The following SETD5 variants were observed in gnomAD, a reference collection of about 807,000 sequenced individuals.
The protein encoded by SETD5 is histone-lysine N-methyltransferase SETD5.
A neutral mutation model predicts 153.3 loss-of-function variants in SETD5; 44 were observed. The ratio of observed to expected loss-of-function variants is 0.29; its 90% CI spans 0.23 to 0.37. SETD5 has a LOEUF of 0.37. SETD5 is among the 10% of genes least tolerant of loss of function. The pLI, the probability that SETD5 is intolerant of heterozygous loss-of-function variation, is 1.00. For missense variants in SETD5, 1,544 were observed against 1,768.0 expected (o/e 0.87, Z 2.27); for synonymous variants, 716 against 645.2 (o/e 1.11, Z -1.66).
chr3:9,454,615 T>C (rs1575513217), intron 17 of SETD5, among the ~76,000 whole-genome samples: 1 of 44,232 alleles, frequency 2.3e-5, no homozygotes, highest in Admixed American at 4.0e-4. Context: ...AGAATGAAAC[T>C]CCGTCTCAAA....
At chr3:9,423,822 G>GA (rs1184966426) in intron 1 of SETD5, among the ~76,000 whole-genome samples, 7 of 151,998 alleles carry the variant, frequency 4.6e-5, no homozygotes, top group Non-Finnish European at 1.0e-4. Context: ...TGACTTTTAG[G>GA]AAAAAACACC....
chr3:9,476,146 G>C lies in SETD5; in HGVS notation c.*55G>C. 1 of 1,561,094 alleles carries C rather than the reference G, an allele frequency of 6.4e-7. No homozygotes were observed. Among genetic ancestry groups the C allele is most frequent in the Non-Finnish European group, 8.7e-7 (1 of 1,151,588 alleles). On this transcript the variant is annotated 3_prime_UTR_variant, in exon 23 of 23. Coordinates refer to ENST00000402198, the MANE Select transcript of SETD5 (RefSeq NM_001080517.3). Reference sequence around the variant, plus strand: ...ATGAGCCCATAGCTGCTTCCTTCCAGCTGCCTCTGGAACCTAGGCCGAGCA... The same window carrying C: ...ATGAGCCCATAGCTGCTTCCTTCCACCTGCCTCTGGAACCTAGGCCGAGCA...
chr3:9,452,166 G>A (rs1471172684), intron 16 of SETD5, among the ~76,000 whole-genome samples: 1 of 152,024 alleles, frequency 6.6e-6, no homozygotes, highest in Non-Finnish European at 1.5e-5. Flanking sequence ...CCTTTTTGTA[G>A]TCATCAGATC....
chr3:9,474,384 G>A, intron 20 of SETD5, 65 bp from the exon 21 acceptor site: 2 of 1,581,598 alleles, frequency 1.3e-6, no homozygotes, highest in Non-Finnish European at 8.6e-7. Context: ...ACTGTGCACT[G>A]GTTAGGGCTT....
intron 1 of SETD5, among the ~76,000 whole-genome samples, chr3:9,414,719 G>GA (rs1353707657): frequency 6.6e-6 from 1 of 151,822 alleles, no homozygotes; most frequent in Non-Finnish European, 1.5e-5. Flanking sequence ...AAACTTAGAA[G>GA]AAAAAACAAG....
In SETD5 at chr3:9,445,306, C is replaced by T. The variant is rs375815611; in HGVS notation, c.1440+6C>T. The T allele has an allele frequency of 1.3e-5, 20 of 1,597,922 alleles. No individual in the cohort carries two copies. Among genetic ancestry groups the T allele is most frequent in the East Asian group, 2.3e-5 (1 of 44,274 alleles). ...CTGTATCCAGTGATCATGAGGTAATCGCCCCTGGTCAAATGATGATGCTAT... is the reference window on the plus strand; with the variant it reads ...CTGTATCCAGTGATCATGAGGTAATTGCCCCTGGTCAAATGATGATGCTAT... On this transcript the variant is annotated splice_donor_region_variant and intron_variant, in intron 12 of 22. Coordinates refer to ENST00000402198, the MANE Select transcript of SETD5 (RefSeq NM_001080517.3).
chr3:9,445,268 C>T lies in SETD5; in HGVS notation c.1408C>T (p.Pro470Ser). 6.2e-7 allele frequency: 1 copy of T among 1,608,220 alleles called. No individual in the cohort carries two copies. The highest frequency in any genetic ancestry group is 8.5e-7 in the Non-Finnish European group (1 of 1,176,948). ...ENNDQQSQEV[P>S]EKVTVSSDHE... ...TAATGACCAGCAATCACAAGAAGTTCCAGAAAAAGTAACTGTATCCAGTGA... is the reference window on the plus strand; with the variant it reads ...TAATGACCAGCAATCACAAGAAGTTTCAGAAAAAGTAACTGTATCCAGTGA... Residue 470 changes from proline to serine, a missense_variant, in exon 12 of 23, where the codon CCA (proline) becomes TCA (serine). Physicochemically the swap from Pro to Ser is moderately conservative, Grantham distance 74 (BLOSUM62 -1). Around this residue, in one of 9 missense-constraint regions of SETD5, gnomAD observed 782 missense variants for 787.2 expected, o/e 0.99. Transcript: ENST00000402198.
At chr3:9,407,543 C>T (rs1295583824) in intron 1 of SETD5, among the ~76,000 whole-genome samples, 1 of 151,990 alleles carries the variant, frequency 6.6e-6, no homozygotes, top group South Asian at 2.1e-4. Flanking sequence ...TAAACATATC[C>T]CACTTCATGA....
intron 1 of SETD5, among the ~76,000 whole-genome samples, chr3:9,398,934 T>C (rs894631742): frequency 2.0e-5 from 3 of 152,292 alleles, no homozygotes; most frequent in Admixed American, 2.0e-4. Flanking sequence ...GGGTCAGGGG[T>C]GCGTGTATGA....
At chr3:9,430,330 AATG>A (rs1189778596) in intron 3 of SETD5, 1 of 983,744 alleles carries the variant, frequency 1.0e-6, no homozygotes, top group African/African-American at 1.7e-5. Flanking sequence ...GGTAGTCTAA[AATG>A]AAAAGCAGTG....
chr3:9,441,718 G>A lies in SETD5; in HGVS notation c.936G>A (p.Glu312=), dbSNP rs780079177. 1.9e-6 allele frequency: 3 copies of A among 1,613,970 alleles called. No homozygotes were observed. Among genetic ancestry groups the A allele is most frequent in the Non-Finnish European group, 2.5e-6 (3 of 1,179,860 alleles). ...AAGTCATGTTACGACAGCAATTTGA[G>A]GTCAATGGGCATTTCTTCAAAAAGT... ...RGKVMLRQQF[E]VNGHFFKKPY... The change falls in exon 9 of 23, where the codon GAG becomes GAA. Residue 312 remains glutamate (E), a synonymous_variant. Coordinates refer to ENST00000402198, the MANE Select transcript of SETD5 (RefSeq NM_001080517.3).
chr3:9,466,635 A>G (rs538991700), intron 18 of SETD5, among the ~76,000 whole-genome samples: 1 of 152,306 alleles, frequency 6.6e-6, no homozygotes, highest in South Asian at 2.1e-4. Context: ...TTTAATGGCC[A>G]TACTCTTTGC....
At chr3:9,411,412 C>T (rs1013403249) in intron 1 of SETD5, among the ~76,000 whole-genome samples, 3 of 152,118 alleles carry the variant, frequency 2.0e-5, no homozygotes, top group African/African-American at 7.2e-5. Context: ...TTTTATCCTT[C>T]CTAATTACAG....
At chr3:9,468,403 TC>T (rs1325183455) in intron 18 of SETD5, 10 of 735,888 alleles carry the variant, frequency 1.4e-5, no homozygotes, top group African/African-American at 1.8e-5. Context: ...TTATTCAACT[TC>T]CCCGCCCCCG....
intron 7 of SETD5, among the ~76,000 whole-genome samples, chr3:9,439,561 T>C (rs557637771): frequency 1.3e-5 from 2 of 152,338 alleles, no homozygotes; most frequent in Non-Finnish European, 2.9e-5. Flanking sequence ...AGTGTTTGTT[T>C]TGTTTTCTGA....
intron 1 of SETD5, among the ~76,000 whole-genome samples, chr3:9,417,360 G>T (rs2037622206): frequency 6.6e-6 from 1 of 152,182 alleles, no homozygotes; most frequent in African/African-American, 2.4e-5. Context: ...CCCTCATTTG[G>T]CCAGGGCATG....
At chr3:9,448,129 C>A in intron 15 of SETD5, 123 bp downstream of exon 15, 1 of 1,233,192 alleles carries the variant, frequency 8.1e-7, no homozygotes, top group Non-Finnish European at 1.1e-6. Context: ...TTCTAAAATG[C>A]TTTGACACAA....
At chr3:9,416,940 T>G (rs116745082) in intron 1 of SETD5, among the ~76,000 whole-genome samples, 2,756 of 148,016 alleles carry the variant, frequency 0.019, 43 homozygotes, top group Non-Finnish European at 0.029. Flanking sequence ...ACCATAAAGT[T>G]TTTTTTTTTT....
rs2045874329 is a variant in SETD5 at position 9,476,714 on chromosome 3, G to C, written c.*623G>C. 6.6e-6 allele frequency: 1 copy of C among 152,586 alleles called. No individual in the cohort carries two copies. Among genetic ancestry groups the C allele is most frequent in the African/African-American group, 2.4e-5 (1 of 41,414 alleles). The allele number at this position is 152,586 out of a possible 1,614,324, so 9.5% of individuals were successfully genotyped here. A position where few individuals can be genotyped will look rare whatever the true frequency, so the allele number is the denominator to read the frequency against. ...TAAAGCTTGGAACCTGCACCAACTGGAGGGTGCCTGGCTCTTTGAAGAAAA... is the reference window on the plus strand; with the variant it reads ...TAAAGCTTGGAACCTGCACCAACTGCAGGGTGCCTGGCTCTTTGAAGAAAA... On this transcript the variant is annotated 3_prime_UTR_variant, in exon 23 of 23. Coordinates refer to ENST00000402198, the MANE Select transcript of SETD5 (RefSeq NM_001080517.3).
Sources: allele counts gnomAD v4.1 joint callset (sites outside exome capture counted in the v4.1 genomes callset), GRCh38; gene constraint gnomAD v4.1.1; regional missense constraint gnomAD v4.1.1; transcripts MANE v1.5; gene names NCBI Gene and HGNC (gene_info 2026-07-23, HGNC 2026-07-21).